The following DEPDC1B variants were observed in gnomAD, a reference collection of about 807,000 sequenced individuals.
The protein encoded by DEPDC1B is DEP domain-containing protein 1B.
In DEPDC1B, 51 loss-of-function variants were observed where a neutral mutation model predicts 66.5. The observed-to-expected ratio is 0.77, with a 90% confidence interval of 0.61 to 0.97. The LOEUF (loss-of-function observed/expected upper bound fraction) is 0.97. Among genes scored for constraint, DEPDC1B ranks in the 50% least tolerant of loss-of-function variants. The probability of loss-of-function intolerance (pLI) is 0.00; values close to 1 mark genes in which losing one functional copy is unlikely to be tolerated. For synonymous variants in DEPDC1B, 226 were observed against 223.6 expected, an observed-to-expected ratio of 1.01 and a Z score of -0.10; for missense variants, 552 against 637.1, an observed-to-expected ratio of 0.87 and a Z score of 1.44.
chr5:60,624,726 TTTATTA>T, intron 7 of DEPDC1B, among the ~76,000 whole-genome samples: 1 of 152,110 alleles, frequency 6.6e-6, no homozygotes, highest in Non-Finnish European at 1.5e-5. Context: ...TACATGTTAT[TTTATTA>T]TTATTATACT....
chr5:60,677,297 C>CAT (rs1754183877), intron 2 of DEPDC1B, among the ~76,000 whole-genome samples: 1 of 93,040 alleles, frequency 1.1e-5, no homozygotes, highest in Admixed American at 1.0e-4. Context: ...TTCATACAGA[C>CAT]ACACACACAC....
At chr5:60,618,463 C>G (rs532440026) in intron 7 of DEPDC1B, among the ~76,000 whole-genome samples, 63 of 152,246 alleles carry the variant, frequency 4.1e-4, no homozygotes, top group Admixed American at 2.1e-3. Flanking sequence ...GATATCACCA[C>G]CTATCCCACA....
intron 7 of DEPDC1B, among the ~76,000 whole-genome samples, chr5:60,617,317 G>C (rs1231112142): frequency 1.3e-5 from 2 of 152,182 alleles, no homozygotes; most frequent in Non-Finnish European, 2.9e-5. Context: ...TGGGCTAAAT[G>C]CTCCAATTAA....
chr5:60,694,759 A>G (rs1045761476), intron 1 of DEPDC1B, among the ~76,000 whole-genome samples: 3 of 152,236 alleles, frequency 2.0e-5, no homozygotes, highest in Non-Finnish European at 4.4e-5. Context: ...AAGTCAGGAA[A>G]GTTAATCGAT....
intron 2 of DEPDC1B, among the ~76,000 whole-genome samples, chr5:60,650,334 T>G (rs1430750679): frequency 2.0e-5 from 3 of 152,208 alleles, no homozygotes; most frequent in Admixed American, 2.0e-4. Context: ...ACGGCAATAC[T>G]GATGGCAGAG....
chr5:60,690,882 T>G (rs1754527810), intron 1 of DEPDC1B, among the ~76,000 whole-genome samples: 1 of 152,158 alleles, frequency 6.6e-6, no homozygotes, highest in South Asian at 2.1e-4. Context: ...TCTCTTTTAT[T>G]TTTGATGGCT....
intron 2 of DEPDC1B, among the ~76,000 whole-genome samples, chr5:60,673,364 C>T (rs1754089106): frequency 6.6e-6 from 1 of 152,176 alleles, no homozygotes; most frequent in African/African-American, 2.4e-5. Flanking sequence ...CCATGCCTGG[C>T]ATACAACAGG....
intron 1 of DEPDC1B, among the ~76,000 whole-genome samples, chr5:60,694,343 A>G (rs2112049549): frequency 6.6e-6 from 1 of 152,306 alleles, no homozygotes; most frequent in Admixed American, 6.5e-5. Flanking sequence ...TTATTCTGCC[A>G]TTTTCTAACA....
chr5:60,682,748 G>C (rs1754324917), intron 2 of DEPDC1B, among the ~76,000 whole-genome samples: 1 of 151,996 alleles, frequency 6.6e-6, no homozygotes. Context: ...GAAATAAATA[G>C]AAAATCTGTA....
intron 2 of DEPDC1B, among the ~76,000 whole-genome samples, chr5:60,672,331 T>C (rs1012837467): frequency 6.6e-6 from 1 of 152,168 alleles, no homozygotes; most frequent in South Asian, 2.1e-4. Context: ...GGGTAGTTTA[T>C]AAAGAAAAGA....
intron 7 of DEPDC1B, among the ~76,000 whole-genome samples, chr5:60,606,575 C>T (rs1388268564): frequency 7.4e-6 from 1 of 135,724 alleles, no homozygotes; most frequent in African/African-American, 2.9e-5. Context: ...GAATTTGAGA[C>T]CAGCCTGGGC....
At chr5:60,628,780 G>C (rs1412275736) in intron 7 of DEPDC1B, 1 of 151,982 alleles carries the variant, frequency 6.6e-6, no homozygotes, top group Non-Finnish European at 1.5e-5. Context: ...TTGCTTTTAT[G>C]CTTAGAAAGT....
At chr5:60,669,683 T>C (rs1052451005) in intron 2 of DEPDC1B, among the ~76,000 whole-genome samples, 1 of 152,186 alleles carries the variant, frequency 6.6e-6, no homozygotes, top group African/African-American at 2.4e-5. Flanking sequence ...GAATGGGAGA[T>C]GAAGCTGGAA....
At chr5:60,682,434 G>A (rs895914048) in intron 2 of DEPDC1B, among the ~76,000 whole-genome samples, 1 of 152,120 alleles carries the variant, frequency 6.6e-6, no homozygotes, top group Non-Finnish European at 1.5e-5. Flanking sequence ...GTTAATGGGT[G>A]CAGCACACCA....
At chr5:60,650,929 T>A (rs1403118906) in intron 2 of DEPDC1B, among the ~76,000 whole-genome samples, 3 of 152,202 alleles carry the variant, frequency 2.0e-5, no homozygotes, top group Non-Finnish European at 4.4e-5. Flanking sequence ...TGGCTAGAAC[T>A]CTCTTCCTGC....
At chr5:60,627,348 A>G (rs1387641731) in intron 7 of DEPDC1B, among the ~76,000 whole-genome samples, 1 of 152,262 alleles carries the variant, frequency 6.6e-6, no homozygotes, top group South Asian at 2.1e-4. Context: ...AAACCCTTCA[A>G]GATCATAAAC....
chr5:60,632,033 G>C (rs938439959), intron 7 of DEPDC1B, among the ~76,000 whole-genome samples: 2 of 152,218 alleles, frequency 1.3e-5, no homozygotes, highest in Non-Finnish European at 2.9e-5. Context: ...AGGATGAAGA[G>C]ACACCCTCAC....
chr5:60,683,030 CA>C lies in DEPDC1B; in HGVS notation c.314+3931del, dbSNP rs751599862. On this transcript the variant is annotated intron_variant, in intron 2 of 10. Coordinates refer to ENST00000265036, the MANE Select transcript of DEPDC1B (RefSeq NM_018369.3). ...CCAATGTCCCTGATGAACATAGATA[CA>C]AAAATCCTCAACAAATTACAAGCAA... 6.6e-5 allele frequency among the ~76,000 whole-genome samples: 10 copies of C among 152,104 alleles called. No individual in the cohort carries two copies. The East Asian group carries it at 9.6e-4, about 15-fold the overall frequency.
chr5:60,683,578 C>A (rs1754347131), intron 2 of DEPDC1B, among the ~76,000 whole-genome samples: 1 of 152,042 alleles, frequency 6.6e-6, no homozygotes, highest in African/African-American at 2.4e-5. Flanking sequence ...CCATTCATAA[C>A]AAAAACTCTC....
Sources: allele counts gnomAD v4.1 joint callset (sites outside exome capture counted in the v4.1 genomes callset), GRCh38; gene constraint gnomAD v4.1.1; transcripts MANE v1.5; gene names NCBI Gene and HGNC (gene_info 2026-07-23, HGNC 2026-07-21).